Variants in PNPLA7 observed in about 807,000 individuals in gnomAD.
PNPLA7 encodes patatin-like phospholipase domain-containing protein 7.
In PNPLA7, 153 loss-of-function variants were observed where a neutral mutation model predicts 161.7. The ratio of observed to expected loss-of-function variants is 0.95; its 90% CI spans 0.83 to 1.08. PNPLA7 has a LOEUF of 1.08. Ranked by LOEUF, PNPLA7 falls within the 50% of genes least tolerant of loss-of-function variation. PNPLA7 has a pLI of 0.00. For synonymous variants in PNPLA7, 809 were observed against 782.1 expected (o/e 1.03, Z -0.57); for missense variants, 1,739 against 1,856.6 (o/e 0.94, Z 1.16).
At chr9:137,481,114 GAGCCAGGCACCGACGCCC>G (rs1340288953) in intron 21 of PNPLA7, 91 bp from the exon 22 acceptor site, 27 of 1,395,618 alleles carry the variant, frequency 1.9e-5, no homozygotes, top group Middle Eastern at 3.5e-4. Flanking sequence ...TACCGACGCC[GAGCCAGGCACCGACGCCC>G]AGCCAGGCAC....
chr9:137,496,210 C>T (rs572911294), intron 18 of PNPLA7, among the ~76,000 whole-genome samples: 21 of 150,618 alleles, frequency 1.4e-4, no homozygotes, highest in African/African-American at 2.9e-4. Context: ...CAGGTTCAAG[C>T]GATTCTCCTG....
rs975424063 is a variant in PNPLA7 at position 137,500,046 on chromosome 9, C to T, written c.1757+645G>A. Among the ~76,000 whole-genome samples the T allele has an allele frequency of 4.5e-4, 69 of 152,372 alleles. No individual in the cohort carries two copies. Among genetic ancestry groups the T allele is most frequent in the African/African-American group, 4.8e-4 (20 of 41,600 alleles). ...ATGCCCAGTGCCGTGGATGCAAAGACGTGGCGGCTCTGCCAGGCAGCCACA... is the reference window on the plus strand; with the variant it reads ...ATGCCCAGTGCCGTGGATGCAAAGATGTGGCGGCTCTGCCAGGCAGCCACA... On this transcript the variant is annotated intron_variant, in intron 16 of 34. Coordinates refer to ENST00000406427, the MANE Select transcript of PNPLA7 (RefSeq NM_001098537.3). The surrounding 1 kb of genome is among the most constrained non-coding windows in gnomAD (Gnocchi z 5.5).
At chr9:137,483,267 C>A (rs1218188847) in intron 21 of PNPLA7, among the ~76,000 whole-genome samples, 1 of 152,024 alleles carries the variant, frequency 6.6e-6, no homozygotes, top group Non-Finnish European at 1.5e-5. Context: ...GTTTATGTGA[C>A]GCGGGACAGC....
intron 33 of PNPLA7, 23 bp from the exon 34 acceptor site, chr9:137,460,760 G>C (rs371775998): frequency 1.3e-6 from 2 of 1,598,014 alleles, no homozygotes; most frequent in African/African-American, 1.3e-5. Context: ...GTAGGGCTGC[G>C]TCAGTCCCCT....
rs1440849339 is a variant in PNPLA7, at chr9:137,497,273, T to C, written c.1927A>G (p.Ser643Gly). 1 of 1,588,562 alleles carries C rather than the reference T, an allele frequency of 6.3e-7. No homozygotes were observed. The highest frequency in any genetic ancestry group is 8.6e-7 in the Non-Finnish European group (1 of 1,168,238). Reference sequence around the variant, plus strand: ...CGGATCACAGAGCGCAGCCGGCCGCTGAGCATGATGTACGTGCAGTCGGAC... The same window carrying C: ...CGGATCACAGAGCGCAGCCGGCCGCCGAGCATGATGTACGTGCAGTCGGAC... ...DKSDCTYIML[S>G]GRLRSVIRKD... The change falls in exon 18 of 35, where the codon AGC becomes GGC. Residue 643 changes from serine to glycine, a missense_variant. Physicochemically the swap from Ser to Gly is moderately conservative, Grantham distance 56. Coordinates refer to ENST00000406427, the MANE Select transcript of PNPLA7 (RefSeq NM_001098537.3).
chr9:137,507,296 G>A (rs1487739933), intron 12 of PNPLA7, among the ~76,000 whole-genome samples: 1 of 152,270 alleles, frequency 6.6e-6, no homozygotes, highest in African/African-American at 2.4e-5. Flanking sequence ...GGCTGGGCGA[G>A]AGGAGCGCAG....
rs375680691 is a variant in PNPLA7, at chr9:137,506,101, A to G, written c.1226-18T>C. 8.1e-6 allele frequency: 13 copies of G among 1,599,288 alleles called. No individual in the cohort carries two copies. The African/African-American group carries it at 1.6e-4, about 20-fold the overall frequency. ...TGGGCCCCCTACACACAGAGGGGAC[A>G]CTCAGGACACGGTTCGCTAGGCCAC... On this transcript the variant is annotated intron_variant, in intron 12 of 34. Transcript: ENST00000406427.
Position 137,478,138 on chromosome 9 carries a change from C to T in PNPLA7, c.2778G>A (p.Lys926=), listed in dbSNP as rs1373111099. The T allele has an allele frequency of 1.5e-6, 2 of 1,331,208 alleles. No homozygotes were observed. The highest frequency in any genetic ancestry group is 1.5e-5 in the African/African-American group (1 of 65,064). 82.5% of individuals were successfully genotyped at this position (1,331,208 alleles called of 1,614,324 possible). Residue 926 remains lysine (K), a synonymous_variant, in exon 25 of 35, where the codon AAG becomes AAA. Transcript: ENST00000406427. ...RSLPKLVEMY[K]HVFQRPPDRH... is the part of the protein sequence containing the mutation. ...GGTCCGGGGGCCGCTGGAAGACATG[C>T]TTGTACATCTCCACCTGGGGGAGGA...
intron 9 of PNPLA7, among the ~76,000 whole-genome samples, chr9:137,522,426 G>A (rs537184419): frequency 2.0e-4 from 31 of 152,180 alleles, no homozygotes; most frequent in African/African-American, 4.1e-4. Flanking sequence ...TCCTGACCTC[G>A]TGATCCGCCC....
Position 137,464,459 on chromosome 9 carries a change from G to A in PNPLA7, c.3040-3C>T. 6.2e-7 allele frequency: 1 copy of A among 1,612,680 alleles called. No individual in the cohort carries two copies. The highest frequency in any genetic ancestry group is 8.5e-7 in the Non-Finnish European group (1 of 1,178,986). On this transcript the variant is annotated splice_region_variant and splice_polypyrimidine_tract_variant and intron_variant, in intron 26 of 34. Transcript: ENST00000406427. ...GCCTTCATCAAGGACGTCATGCCCTGGGGCCACATGTGGAATTTACAGAAG... is the reference window on the plus strand; with the variant it reads ...GCCTTCATCAAGGACGTCATGCCCTAGGGCCACATGTGGAATTTACAGAAG...
At chr9:137,517,103 C>T (rs1834629299) in intron 11 of PNPLA7, among the ~76,000 whole-genome samples, 6 of 146,180 alleles carry the variant, frequency 4.1e-5, no homozygotes, top group Admixed American at 6.8e-5. Flanking sequence ...CCACTCCATC[C>T]CTCACTCACT....
chr9:137,479,733 G>A, intron 23 of PNPLA7: 4 of 985,452 alleles, frequency 4.1e-6, no homozygotes, highest in Non-Finnish European at 4.8e-6. Context: ...GGGTGGCCAT[G>A]AGCCCGAGGC....
At chr9:137,518,394 C>G (rs890335748) in intron 11 of PNPLA7, among the ~76,000 whole-genome samples, 1 of 76,412 alleles carries the variant, frequency 1.3e-5, no homozygotes, top group Non-Finnish European at 2.5e-5. Context: ...CCATCCCTCA[C>G]TCACTCACTC....
chr9:137,521,345 A>G (rs1267437678), intron 10 of PNPLA7, among the ~76,000 whole-genome samples: 3 of 152,242 alleles, frequency 2.0e-5, no homozygotes, highest in African/African-American at 7.2e-5. Flanking sequence ...GGACAACTCC[A>G]TCATCGGAGA....
rs1159162793 is a variant in PNPLA7, at chr9:137,471,606, A to AG, written c.2883-4134_2883-4133insC. Among the ~76,000 whole-genome samples the AG allele has an allele frequency of 4.0e-5, 6 of 151,864 alleles. No individual in the cohort carries two copies. The East Asian group carries it at 1.2e-3, about 29-fold the overall frequency. The stretch of plus-strand genomic sequence containing the variant: ...GAGCAAGACTCCGTCTCAAAAAAAA[A>AG]AAAAAAAGATACCATTTATAATACT... On this transcript the variant is annotated intron_variant, in intron 25 of 34. Transcript: ENST00000406427.
At chr9:137,466,190 C>T (rs1198014579) in intron 26 of PNPLA7, among the ~76,000 whole-genome samples, 2 of 152,202 alleles carry the variant, frequency 1.3e-5, no homozygotes, top group East Asian at 1.9e-4. Context: ...CCTGCCTGGC[C>T]GTTGGGTCAG....
rs1475427864 is a variant in PNPLA7 at position 137,469,429 on chromosome 9, G to A, written c.2883-1956C>T. Among the ~76,000 whole-genome samples, 4 of 152,156 alleles carry A rather than the reference G, an allele frequency of 2.6e-5. No homozygotes were observed. In the East Asian group the frequency reaches 7.7e-4, roughly 29 times the overall value. On this transcript the variant is annotated intron_variant, in intron 25 of 34. Transcript: ENST00000406427. ...TGGCATGTTCTACAGACAGACATCA[G>A]GCCTCAGAATCAGGAAGCATGATAA...
In PNPLA7 at chr9:137,478,114, GT is replaced by G; in HGVS notation, c.2801del (p.Asp934AlafsTer13). 3 of 1,353,998 alleles carry G rather than the reference GT, an allele frequency of 2.2e-6. No individual in the cohort carries two copies. The highest frequency in any genetic ancestry group is 2.9e-6 in the Non-Finnish European group (3 of 1,046,044). 83.9% of individuals were successfully genotyped at this position (1,353,998 alleles called of 1,614,324 possible). ...MYKHVFQRPP[D>X]RHSDFSRLAR... ...CCAGGCGGGAGAAGTCTGAGTGTCG[GT>G]CCGGGGGCCGCTGGAAGACATGCTT... On this transcript the variant is annotated frameshift_variant, in exon 25 of 35. Coordinates refer to ENST00000406427, the MANE Select transcript of PNPLA7 (RefSeq NM_001098537.3). LOFTEE classifies it high-confidence loss of function.
In PNPLA7 at chr9:137,484,602, C is replaced by T. The variant is rs1221295913; in HGVS notation, c.2332G>A (p.Ala778Thr). The change falls in exon 21 of 35, where the codon GCC becomes ACC. Residue 778 changes from alanine (A) to threonine (T), a missense_variant. This residue lies in a region of PNPLA7 where 192 missense variants were observed against 249.5 expected (regional missense o/e 0.77). Coordinates refer to ENST00000406427, the MANE Select transcript of PNPLA7 (RefSeq NM_001098537.3). Reference sequence around the variant, plus strand: ...TCAGGCTTACCGATGGCGCTGAGGGCATGCTCCAGCTCCAGGGCGAAGGCG... The same window carrying T: ...TCAGGCTTACCGATGGCGCTGAGGGTATGCTCCAGCTCCAGGGCGAAGGCG... ...LTAFALELEH[A>T]LSAIGPTLLL... The T allele has an allele frequency of 1.2e-6, 2 of 1,609,628 alleles. No homozygotes were observed. The highest frequency in any genetic ancestry group is 2.2e-5 in the East Asian group (1 of 44,786).
Sources: gnomAD v4.1 joint callset for allele counts (sites outside exome capture counted in the v4.1 genomes callset) on GRCh38, gnomAD v4.1.1 for gene constraint, gnomAD v4.1.1 regional missense constraint, Gnocchi (gnomAD v3.1) non-coding constraint, MANE v1.5 for transcripts, NCBI Gene and HGNC (gene_info 2026-07-23, HGNC 2026-07-21) for gene names.